UNC5D: variants seen among roughly 807,000 people sequenced by gnomAD.
The protein encoded by UNC5D is netrin receptor UNC5D.
A neutral mutation model predicts 105.4 loss-of-function variants in UNC5D; 39 were observed. The ratio of observed to expected loss-of-function variants is 0.37; its 90% CI spans 0.29 to 0.48. The LOEUF (loss-of-function observed/expected upper bound fraction) is 0.48, where lower values mean the gene tolerates loss of function less well. Ranked by LOEUF, UNC5D falls within the 20% of genes least tolerant of loss-of-function variation. The pLI is 0.98. For synonymous variants in UNC5D, 452 were observed against 450.4 expected, an observed-to-expected ratio of 1.00 and a Z score of -0.04; for missense variants, 991 against 1,202.4, an observed-to-expected ratio of 0.82 and a Z score of 2.60.
At chr8:35,473,168 G>A (rs1171970769) in intron 1 of UNC5D, among the ~76,000 whole-genome samples, 3 of 152,204 alleles carry the variant, frequency 2.0e-5, no homozygotes, top group Non-Finnish European at 2.9e-5. Context: ...AGTTGACAAT[G>A]CAGGAGAAAT....
chr8:35,515,899 G>T (rs963315951), intron 1 of UNC5D, among the ~76,000 whole-genome samples: 1 of 152,066 alleles, frequency 6.6e-6, no homozygotes, highest in Non-Finnish European at 1.5e-5. Context: ...CAGAGAAGGG[G>T]CTAAAATTCT....
At position 35,398,854 on chromosome 8, in the gene UNC5D, G is replaced by T. The variant is rs573012777; in HGVS notation, c.104-150438G>T. On this transcript the variant is annotated intron_variant, in intron 1 of 16. Coordinates refer to ENST00000404895, the MANE Select transcript of UNC5D (RefSeq NM_080872.4). The stretch of plus-strand genomic sequence containing the variant: ...TAAACAGGAGTTTAAAACAGTTTAA[G>T]TAGTTTTCAATAAAACAGTGGCTGA... Among the ~76,000 whole-genome samples, 66 of 152,156 alleles carry T rather than the reference G, an allele frequency of 4.3e-4. No individual in the cohort carries two copies. In the South Asian group the frequency reaches 0.013, roughly 30 times the overall value.
intron 1 of UNC5D, among the ~76,000 whole-genome samples, chr8:35,337,688 T>A (rs1014405704): frequency 6.6e-6 from 1 of 152,182 alleles, no homozygotes; most frequent in African/African-American, 2.4e-5. Context: ...CTTCTCATTA[T>A]CTATGTTAGA....
intron 1 of UNC5D, among the ~76,000 whole-genome samples, chr8:35,453,417 T>C (rs1440212719): frequency 6.6e-6 from 1 of 152,160 alleles, no homozygotes; most frequent in African/African-American, 2.4e-5. Flanking sequence ...GTCTGTAGCA[T>C]TGAGTCTGAA....
At chr8:35,424,444 T>G (rs1401080483) in intron 1 of UNC5D, among the ~76,000 whole-genome samples, 1 of 152,234 alleles carries the variant, frequency 6.6e-6, no homozygotes, top group Admixed American at 6.5e-5. Context: ...TCATTTCAAG[T>G]GCTCAGTCAC....
intron 3 of UNC5D, among the ~76,000 whole-genome samples, chr8:35,589,998 C>G (rs988701293): frequency 2.0e-5 from 3 of 152,096 alleles, no homozygotes; most frequent in Non-Finnish European, 2.9e-5. Context: ...TTAAACAAAA[C>G]TAAGCCTCTT....
intron 1 of UNC5D, among the ~76,000 whole-genome samples, chr8:35,476,946 T>C (rs1390849302): frequency 6.6e-6 from 1 of 152,228 alleles, no homozygotes; most frequent in East Asian, 1.9e-4. Flanking sequence ...TCTTTGCTCC[T>C]AGACTTAGGT....
chr8:35,619,477 T>A (rs868055693), intron 4 of UNC5D, among the ~76,000 whole-genome samples: 23 of 152,188 alleles, frequency 1.5e-4, no homozygotes, highest in Admixed American at 1.3e-4. Context: ...ACAAAGTGTC[T>A]TGTCTTCCAT....
chr8:35,444,666 T>G (rs1490423117), intron 1 of UNC5D, among the ~76,000 whole-genome samples: 1 of 151,980 alleles, frequency 6.6e-6, no homozygotes, highest in Non-Finnish European at 1.5e-5. Context: ...AGAGACTATG[T>G]GGACCCAGGA....
At chr8:35,244,366 A>T (rs1802964858) in intron 1 of UNC5D, among the ~76,000 whole-genome samples, 1 of 152,178 alleles carries the variant, frequency 6.6e-6, no homozygotes, top group Non-Finnish European at 1.5e-5. Context: ...CTTCACTCAT[A>T]GTCCATTTGA....
chr8:35,292,913 C>A (rs958805065), intron 1 of UNC5D, among the ~76,000 whole-genome samples: 1 of 151,928 alleles, frequency 6.6e-6, no homozygotes, highest in Non-Finnish European at 1.5e-5. Context: ...TGGTCTTGAA[C>A]TCCTGACCTC....
intron 1 of UNC5D, among the ~76,000 whole-genome samples, chr8:35,498,168 AAAGGTCATATC>A (rs1811733848): frequency 6.6e-6 from 1 of 151,302 alleles, no homozygotes; most frequent in Non-Finnish European, 1.5e-5. Flanking sequence ...AGGAACTGTT[AAAGGTCATATC>A]TGTCAAATGA....
At chr8:35,370,888 T>A (rs577065874) in intron 1 of UNC5D, among the ~76,000 whole-genome samples, 13 of 152,350 alleles carry the variant, frequency 8.5e-5, no homozygotes, top group Admixed American at 1.3e-4. Flanking sequence ...ACAGTGTACT[T>A]GTGAAGACAT....
chr8:35,271,683 G>GTATACATGTATACATATATATT (rs1805367719), intron 1 of UNC5D, among the ~76,000 whole-genome samples: 4 of 8,528 alleles, frequency 4.7e-4, no homozygotes, highest in Non-Finnish European at 1.1e-3. Context: ...ACATATATAT[G>GTATACATGTATACATATATATT]TATACATGTA....
chr8:35,381,032 G>A (rs1169631207), intron 1 of UNC5D, among the ~76,000 whole-genome samples: 1 of 151,620 alleles, frequency 6.6e-6, no homozygotes, highest in Non-Finnish European at 1.5e-5. Flanking sequence ...AGGGAGGGAG[G>A]GAGAGAGAGA....
chr8:35,512,553 A>G (rs549181810), intron 1 of UNC5D, among the ~76,000 whole-genome samples: 9 of 89,368 alleles, frequency 1.0e-4, no homozygotes, highest in African/African-American at 4.2e-4. Flanking sequence ...ATATATATAT[A>G]TATATATATA....
intron 4 of UNC5D, 112 bp from the exon 5 acceptor site, chr8:35,683,435 G>A (rs1825804542): frequency 9.3e-7 from 1 of 1,069,638 alleles, no homozygotes; most frequent in South Asian, 1.9e-5. Flanking sequence ...CATTGCTGTT[G>A]CTCTATATTT....
chr8:35,657,938 G>A (rs1823875520), intron 4 of UNC5D, among the ~76,000 whole-genome samples: 1 of 152,118 alleles, frequency 6.6e-6, no homozygotes, highest in Admixed American at 6.5e-5. Flanking sequence ...ATGAAGCTTG[G>A]AAAAGACAAG....
At chr8:35,747,810 C>A (rs1027468666) in intron 11 of UNC5D, among the ~76,000 whole-genome samples, 1 of 152,194 alleles carries the variant, frequency 6.6e-6, no homozygotes, top group African/African-American at 2.4e-5. Context: ...CATGACACTG[C>A]ATTCTCACTG....
Sources: allele counts gnomAD v4.1 joint callset (sites outside exome capture counted in the v4.1 genomes callset), GRCh38; gene constraint gnomAD v4.1.1; transcripts MANE v1.5; gene names NCBI Gene and HGNC (gene_info 2026-07-23, HGNC 2026-07-21).